The following AFDN variants were observed in gnomAD, a reference collection of about 807,000 sequenced individuals.
AFDN encodes afadin.
In AFDN, 68 loss-of-function variants were observed where a neutral mutation model predicts 216.6. The observed-to-expected ratio is 0.31, with a 90% CI of 0.26 to 0.38. The LOEUF (loss-of-function observed/expected upper bound fraction) is 0.38. Among genes scored for constraint, AFDN ranks in the 10% least tolerant of loss-of-function variants. The pLI is 1.00. For synonymous variants in AFDN, 868 were observed against 853.7 expected (o/e 1.02, Z -0.29); for missense variants, 2,136 against 2,342.0 (o/e 0.91, Z 1.82).
At chr6:167,834,579 A>T (rs1562523444) in intron 1 of AFDN, among the ~76,000 whole-genome samples, 1 of 149,770 alleles carries the variant, frequency 6.7e-6, no homozygotes, top group Admixed American at 6.7e-5. Flanking sequence ...CCACCCATGG[A>T]ACGATTCTTT....
In AFDN at chr6:167,827,161, G is replaced by C. The variant is rs1299239389; in HGVS notation, c.29G>C (p.Arg10Pro). 1 of 1,300,216 alleles carries C rather than the reference G, an allele frequency of 7.7e-7. No homozygotes were observed. The allele number at this position is 1,300,216 out of a possible 1,614,324, so 80.5% of individuals were successfully genotyped here. A position where few individuals can be genotyped will look rare whatever the true frequency, so the allele number is the denominator to read the frequency against. The part of the protein sequence containing the change: MSAGGRDEE[R>P]RKLADIIHHW... Reference sequence around the variant, plus strand: ...TCGGCGGGCGGCCGTGACGAGGAGCGGCGGAAGCTGGCCGACATCATCCAC... The same window carrying C: ...TCGGCGGGCGGCCGTGACGAGGAGCCGCGGAAGCTGGCCGACATCATCCAC... Residue 10 changes from arginine to proline, a missense_variant, in exon 1 of 34, where the codon CGG (arginine) becomes CCG (proline). Coordinates refer to ENST00000683244, the MANE Select transcript of AFDN (RefSeq NM_001386888.1).
At chr6:167,845,686 T>C (rs137926102) in intron 1 of AFDN, among the ~76,000 whole-genome samples, 49 of 152,316 alleles carry the variant, frequency 3.2e-4, no homozygotes, top group Admixed American at 3.1e-3. Flanking sequence ...TAAATGAATA[T>C]TTCTTAATAC....
At chr6:167,947,370 G>A (rs74473859) in intron 27 of AFDN, among the ~76,000 whole-genome samples, 12,764 of 151,972 alleles carry the variant, frequency 0.084, 760 homozygotes, top group East Asian at 0.2. Flanking sequence ...TAGTAGAGAC[G>A]GGGTTTCACC....
chr6:167,849,021 G>A (rs1032282264), intron 1 of AFDN, among the ~76,000 whole-genome samples: 1 of 152,144 alleles, frequency 6.6e-6, no homozygotes, highest in Non-Finnish European at 1.5e-5. Context: ...AATTGCCAGA[G>A]TATGAATTCT....
At chr6:167,827,274 GC>G (rs1471063014) in intron 1 of AFDN, 37 bp downstream of exon 1, 1 of 886,508 alleles carries the variant, frequency 1.1e-6, no homozygotes, top group East Asian at 1.2e-4. Flanking sequence ...CGCGACCCCC[GC>G]CCGCTGCGCC....
chr6:167,943,928 C>T lies in AFDN; in HGVS notation c.3240-13C>T, dbSNP rs1250965163. The stretch of plus-strand genomic sequence containing the variant: ...TTTTAGTCTTTCTTACATGTGTAAT[C>T]TTCTTCTCCTAGGGCGGCAGAACTC... On this transcript the variant is annotated splice_polypyrimidine_tract_variant and intron_variant, in intron 25 of 33. Transcript: ENST00000683244. 6.2e-7 allele frequency: 1 copy of T among 1,611,354 alleles called. No individual in the cohort carries two copies. Among genetic ancestry groups the T allele is most frequent in the Admixed American group, 1.7e-5 (1 of 59,966 alleles).
intron 27 of AFDN, among the ~76,000 whole-genome samples, chr6:167,947,392 G>C (rs904337945): frequency 6.6e-6 from 1 of 152,122 alleles, no homozygotes; most frequent in African/African-American, 2.4e-5. Flanking sequence ...TGTTAGCCAG[G>C]ATGGTCTCGA....
intron 1 of AFDN, among the ~76,000 whole-genome samples, chr6:167,834,694 T>C (rs901345431): frequency 4.6e-5 from 7 of 152,092 alleles, no homozygotes; most frequent in African/African-American, 7.2e-5. Context: ...TTAAATACTT[T>C]TCATACTCTA....
intron 1 of AFDN, among the ~76,000 whole-genome samples, chr6:167,854,064 T>A (rs1782614707): frequency 6.6e-6 from 1 of 152,074 alleles, no homozygotes; most frequent in East Asian, 1.9e-4. Context: ...ACCTTGGGTA[T>A]ATACTTTTTT....
chr6:167,914,808 C>A, intron 18 of AFDN, 70 bp downstream of exon 18: 2 of 1,100,038 alleles, frequency 1.8e-6, no homozygotes, highest in Non-Finnish European at 2.7e-6. Context: ...TAATGCTTAG[C>A]GTAGGTAAGT....
In AFDN at chr6:167,865,622, T is replaced by C. The variant is rs185503681; in HGVS notation, c.301+876T>C. Among the ~76,000 whole-genome samples, 741 of 152,182 alleles carry C rather than the reference T, an allele frequency of 4.9e-3. 1 individual carries two copies. The highest frequency in any genetic ancestry group is 6.8e-3 in the Middle Eastern group (2 of 294). ...AGTGAGACTTTGTCTCTAAAAAAAT[T>C]AATAAAATGAAATGTAGAAATTTTT... On this transcript the variant is annotated intron_variant, in intron 2 of 33. Coordinates refer to ENST00000683244, the MANE Select transcript of AFDN (RefSeq NM_001386888.1).
intron 2 of AFDN, among the ~76,000 whole-genome samples, chr6:167,868,716 G>A (rs1163847089): frequency 6.6e-6 from 1 of 150,414 alleles, no homozygotes; most frequent in Non-Finnish European, 1.5e-5. Context: ...ATCATTGGCC[G>A]AGTTTGTGCT....
intron 30 of AFDN, among the ~76,000 whole-genome samples, chr6:167,954,840 A>G (rs1396915491): frequency 6.6e-6 from 1 of 152,206 alleles, no homozygotes; most frequent in Non-Finnish European, 1.5e-5. Flanking sequence ...CACATTAGAC[A>G]TAGATTTTAA....
At chr6:167,946,662 T>C (rs1795299971) in intron 26 of AFDN, 45 bp from the exon 27 acceptor site, 1 of 1,536,972 alleles carries the variant, frequency 6.5e-7, no homozygotes, top group Non-Finnish European at 9.0e-7. Flanking sequence ...AATCAGGGTG[T>C]TGAAAATAAA....
At chr6:167,909,188 TTTTTC>T (rs1209217640) in intron 13 of AFDN, among the ~76,000 whole-genome samples, 1 of 152,078 alleles carries the variant, frequency 6.6e-6, no homozygotes, top group African/African-American at 2.4e-5. Flanking sequence ...TATAGAGGCA[TTTTTC>T]TTTTCCTTAA....
intron 31 of AFDN, chr6:167,963,620 C>T: frequency 9.4e-7 from 1 of 1,059,086 alleles, no homozygotes; most frequent in Non-Finnish European, 1.1e-6. Context: ...TAAGGACACT[C>T]ACCTCTGTTG....
At chr6:167,833,794 C>T (rs1314890798) in intron 1 of AFDN, among the ~76,000 whole-genome samples, 1 of 152,098 alleles carries the variant, frequency 6.6e-6, no homozygotes, top group African/African-American at 2.4e-5. Flanking sequence ...CAGACACTAT[C>T]CACTGTTTTA....
intron 2 of AFDN, among the ~76,000 whole-genome samples, chr6:167,865,461 A>AG (rs1301937139): frequency 6.6e-6 from 1 of 152,032 alleles, no homozygotes; most frequent in African/African-American, 2.4e-5. Flanking sequence ...TAAAAAAAAA[A>AG]AGTTAGCTAG....
intron 30 of AFDN, among the ~76,000 whole-genome samples, chr6:167,961,921 C>T (rs77382460): frequency 0.012 from 1,836 of 152,232 alleles, 20 homozygotes; most frequent in South Asian, 0.027. Flanking sequence ...GAAAGATGGA[C>T]GACTGCCCGG....
Sources: gnomAD v4.1 joint callset for allele counts (sites outside exome capture counted in the v4.1 genomes callset) on GRCh38, gnomAD v4.1.1 for gene constraint, MANE v1.5 for transcripts, NCBI Gene and HGNC (gene_info 2026-07-23, HGNC 2026-07-21) for gene names.